Variants in NBEA observed in about 807,000 individuals in gnomAD.
NBEA encodes the protein lysosomal-trafficking regulator 2.
A neutral mutation model predicts 343.4 loss-of-function variants in NBEA; 44 were observed. The observed-to-expected ratio is 0.13, with a 90% CI of 0.10 to 0.16. The LOEUF (loss-of-function observed/expected upper bound fraction) is 0.16, where lower values mean the gene tolerates loss of function less well. Among genes scored for constraint, NBEA ranks in the 10% least tolerant of loss-of-function variants. The probability of loss-of-function intolerance (pLI) is 1.00; values close to 1 mark genes in which losing one functional copy is unlikely to be tolerated. For missense variants in NBEA, 2,555 were observed against 3,631.3 expected, an observed-to-expected ratio of 0.70 and a Z score of 7.62; for synonymous variants, 1,175 against 1,238.7, an observed-to-expected ratio of 0.95 and a Z score of 1.08.
At position 35,431,347 on chromosome 13, in the gene NBEA, C is replaced by T. The variant is rs116069748; in HGVS notation, c.6180-922C>T. ...TCTGGAAAATTAGAATATTATCTTT[C>T]GAGTGTATTACTCCACTACTAGATG... On this transcript the variant is annotated intron_variant, in intron 38 of 58. Transcript: ENST00000379939. 2.6e-3 allele frequency among the ~76,000 whole-genome samples: 402 copies of T among 151,980 alleles called. 1 individual carries two copies. The highest frequency in any genetic ancestry group is 9.2e-3 in the African/African-American group (383 of 41,468).
At chr13:35,457,713 A>C (rs2046662106) in intron 40 of NBEA, among the ~76,000 whole-genome samples, 1 of 152,042 alleles carries the variant, frequency 6.6e-6, no homozygotes. Context: ...GGTTCACGCC[A>C]TTCTCCTGCC....
chr13:35,157,405 C>G (rs1236945293), intron 21 of NBEA, 135 bp downstream of exon 21: 2 of 663,056 alleles, frequency 3.0e-6, no homozygotes, highest in Non-Finnish European at 4.5e-6. Context: ...TGTATTTTTC[C>G]CTCATTGTTC....
chr13:35,405,287 C>T (rs921811216), intron 38 of NBEA, among the ~76,000 whole-genome samples: 1 of 152,142 alleles, frequency 6.6e-6, no homozygotes, highest in Non-Finnish European at 1.5e-5. Flanking sequence ...GAATGAGAAA[C>T]GAATACTCAG....
At chr13:35,260,297 A>G (rs1483006243) in intron 34 of NBEA, among the ~76,000 whole-genome samples, 1 of 152,246 alleles carries the variant, frequency 6.6e-6, no homozygotes, top group Non-Finnish European at 1.5e-5. Context: ...TCTAAAAGAC[A>G]TACTTTGATT....
chr13:35,382,288 C>A (rs1458961091), intron 38 of NBEA, among the ~76,000 whole-genome samples: 1 of 152,124 alleles, frequency 6.6e-6, no homozygotes, highest in Non-Finnish European at 1.5e-5. Flanking sequence ...AGGCAAATGG[C>A]CACAGATTTC....
At chr13:34,983,933 G>C (rs889944411) in intron 1 of NBEA, among the ~76,000 whole-genome samples, 1 of 152,004 alleles carries the variant, frequency 6.6e-6, no homozygotes, top group Admixed American at 6.6e-5. Context: ...TTGTCAGATG[G>C]GTAGATTGCA....
In NBEA at chr13:35,082,262, G is replaced by A. The variant is rs1435219573; in HGVS notation, c.1571+11410G>A. 2.0e-5 allele frequency among the ~76,000 whole-genome samples: 3 copies of A among 152,058 alleles called. No individual in the cohort carries two copies. In the East Asian group the frequency reaches 5.8e-4, roughly 29 times the overall value. On this transcript the variant is annotated intron_variant, in intron 10 of 58. Coordinates refer to ENST00000379939, the MANE Select transcript of NBEA (RefSeq NM_001385012.1). Reference sequence around the variant, plus strand: ...GGACATGAACTCATTATTTTTTATGGCTGTATAGTATTCCATGGTGTATAT... The same window carrying A: ...GGACATGAACTCATTATTTTTTATGACTGTATAGTATTCCATGGTGTATAT...
chr13:35,363,517 G>A (rs933720482), intron 38 of NBEA, among the ~76,000 whole-genome samples: 1 of 151,816 alleles, frequency 6.6e-6, no homozygotes. Context: ...GAGCCTTCCT[G>A]TCCATCCTCT....
At chr13:34,997,126 A>G (rs533636300) in intron 1 of NBEA, among the ~76,000 whole-genome samples, 1 of 152,280 alleles carries the variant, frequency 6.6e-6, no homozygotes, top group Admixed American at 6.5e-5. Context: ...TGTTATTTCT[A>G]TTAAATAAAT....
chr13:35,145,671 A>G (rs549239368), intron 18 of NBEA, among the ~76,000 whole-genome samples: 1 of 152,350 alleles, frequency 6.6e-6, no homozygotes, highest in African/African-American at 2.4e-5. Context: ...AAGCAAACAA[A>G]TAGTGACAGT....
chr13:35,224,484 A>G (rs1057267943), intron 33 of NBEA, among the ~76,000 whole-genome samples: 1 of 152,066 alleles, frequency 6.6e-6, no homozygotes, highest in Non-Finnish European at 1.5e-5. Flanking sequence ...TAATATGTCT[A>G]TATTTTATTG....
chr13:35,192,312 T>A, intron 30 of NBEA, among the ~76,000 whole-genome samples: 1 of 152,022 alleles, frequency 6.6e-6, no homozygotes, highest in East Asian at 1.9e-4. Flanking sequence ...ACTGAGAGCA[T>A]GTTCTGTTAA....
intron 36 of NBEA, among the ~76,000 whole-genome samples, chr13:35,341,984 T>C (rs574861014): frequency 3.9e-5 from 6 of 151,902 alleles, no homozygotes; most frequent in South Asian, 2.1e-4. Context: ...AACTGGTGAG[T>C]TGGTAAACAA....
At chr13:35,143,951 T>C (rs2068250333) in intron 18 of NBEA, among the ~76,000 whole-genome samples, 1 of 152,114 alleles carries the variant, frequency 6.6e-6, no homozygotes. Flanking sequence ...ACTGTTTCTT[T>C]TCATGTAAGC....
chr13:35,496,092 A>G (rs2152976743), intron 41 of NBEA, among the ~76,000 whole-genome samples: 1 of 152,170 alleles, frequency 6.6e-6, no homozygotes, highest in Non-Finnish European at 1.5e-5. Flanking sequence ...AAGTTACAGC[A>G]CAAAATAAGG....
chr13:35,605,829 T>C lies in NBEA; in HGVS notation c.7297-597T>C, dbSNP rs375026217. On this transcript the variant is annotated intron_variant, in intron 47 of 58. Transcript: ENST00000379939. ...TTGAGAACCTGTCATTTCTATGGCA[T>C]GCATTAAATATTTAAAACTGTTTAT... Among the ~76,000 whole-genome samples the C allele has an allele frequency of 2.0e-5, 3 of 152,326 alleles. No homozygotes were observed. The South Asian group carries it at 6.2e-4, about 32-fold the overall frequency.
chr13:35,391,294 A>G (rs1015033580), intron 38 of NBEA, among the ~76,000 whole-genome samples: 2 of 151,636 alleles, frequency 1.3e-5, no homozygotes, highest in African/African-American at 2.4e-5. Flanking sequence ...AAAAAAGAAG[A>G]AGAAGAAGAG....
chr13:35,181,331 T>G (rs1383213900), intron 28 of NBEA, among the ~76,000 whole-genome samples: 1 of 151,716 alleles, frequency 6.6e-6, no homozygotes, highest in Non-Finnish European at 1.5e-5. Context: ...TGCTAATAAC[T>G]ATTATTTTTT....
At chr13:35,264,993 G>T (rs1477458804) in intron 34 of NBEA, among the ~76,000 whole-genome samples, 3 of 151,732 alleles carry the variant, frequency 2.0e-5, no homozygotes, top group Admixed American at 2.0e-4. Flanking sequence ...AAACCCTAAA[G>T]AATCCTCCAA....
Sources: allele counts gnomAD v4.1 joint callset (sites outside exome capture counted in the v4.1 genomes callset), GRCh38; gene constraint gnomAD v4.1.1; transcripts MANE v1.5; gene names NCBI Gene and HGNC (gene_info 2026-07-23, HGNC 2026-07-21).